Variants in ABCC11 observed in about 807,000 individuals in gnomAD.
ABCC11 encodes the protein ATP binding cassette subfamily C member 11, also known as ATP-binding cassette sub-family C member 11.
In ABCC11, 135 loss-of-function variants were observed where a neutral mutation model predicts 149.3. The ratio of observed to expected loss-of-function variants is 0.90; its 90% CI spans 0.79 to 1.04. The LOEUF (loss-of-function observed/expected upper bound fraction) is 1.04, where lower values mean the gene tolerates loss of function less well. Among genes scored for constraint, ABCC11 ranks in the 50% least tolerant of loss-of-function variants. The pLI is 0.00. For missense variants in ABCC11, 1,680 were observed against 1,722.1 expected (o/e 0.98, Z 0.43); for synonymous variants, 665 against 671.4 (o/e 0.99, Z 0.15).
intron 7 of ABCC11, among the ~76,000 whole-genome samples, 190 bp from the exon 8 acceptor site, chr16:48,215,534 G>A (rs1472457521): frequency 6.6e-6 from 1 of 152,158 alleles, no homozygotes; most frequent in African/African-American, 2.4e-5. Flanking sequence ...CCCAAGCCAG[G>A]CTATGGCTAC....
chr16:48,244,312 T>C, intron 1 of ABCC11: 1 of 1,119,540 alleles, frequency 8.9e-7, no homozygotes. Flanking sequence ...GTCTGAGGTT[T>C]GGTGACTGCG....
chr16:48,205,812 CTTT>C (rs5816589), intron 12 of ABCC11, among the ~76,000 whole-genome samples: 4 of 140,996 alleles, frequency 2.8e-5, no homozygotes, highest in Admixed American at 7.1e-5. Context: ...GTTTTTTCCT[CTTT>C]TTTTTTTTTT....
intron 4 of ABCC11, 114 bp downstream of exon 4, chr16:48,227,692 A>G: frequency 7.1e-7 from 1 of 1,402,102 alleles, no homozygotes; most frequent in Non-Finnish European, 1.0e-6. Context: ...TCCTACAGGA[A>G]GAGCCAAGTC....
intron 1 of ABCC11, among the ~76,000 whole-genome samples, chr16:48,241,063 T>C (rs1970942686): frequency 6.6e-6 from 1 of 152,096 alleles, no homozygotes; most frequent in African/African-American, 2.4e-5. Context: ...GCCTCCCAAG[T>C]AGCTGGGATT....
At chr16:48,218,139 AT>A (rs1285894251) in intron 6 of ABCC11, among the ~76,000 whole-genome samples, 1 of 152,118 alleles carries the variant, frequency 6.6e-6, no homozygotes, top group Non-Finnish European at 1.5e-5. Flanking sequence ...TCTAAAAAAA[AT>A]TAAAAATTAG....
At chr16:48,178,505 A>C (rs1350463608) in intron 24 of ABCC11, 92 bp downstream of exon 24, 1 of 1,232,364 alleles carries the variant, frequency 8.1e-7, no homozygotes, top group African/African-American at 1.5e-5. Context: ...GGATGGTCTC[A>C]GGGCTCTGAG....
In ABCC11 at chr16:48,167,013, C is replaced by T; in HGVS notation, c.*261G>A. ...GCTTTTACCTTATTATAAAATTATT[C>T]AGCATGTAAGTTAAAAGGAGAACCA... On this transcript the variant is annotated 3_prime_UTR_variant, in exon 30 of 30. Transcript: ENST00000356608. The T allele has an allele frequency of 2.2e-6, 1 of 461,232 alleles. No homozygotes were observed. Among genetic ancestry groups the T allele is most frequent in the East Asian group, 3.7e-5 (1 of 27,134 alleles). 28.6% of individuals were successfully genotyped at this position (461,232 alleles called of 1,614,324 possible).
chr16:48,187,237 C>G lies in ABCC11; in HGVS notation c.2897G>C (p.Gly966Ala). Reference protein sequence around the residue: ...SVLSPYILLMGAIIMVICFIY... With the variant: ...SVLSPYILLMAAIIMVICFIY... ...GAAGCAAATAACCATGATTATGGCTCCCATTAACAGGATATATGGAGACAG... is the reference window on the plus strand; with the variant it reads ...GAAGCAAATAACCATGATTATGGCTGCCATTAACAGGATATATGGAGACAG... Residue 966 changes from glycine (G) to alanine (A), a missense_variant, in exon 21 of 30, where the codon GGA becomes GCA. By Grantham distance (60) the Gly-to-Ala change is moderately conservative (BLOSUM62 0). Transcript: ENST00000356608. 1 of 1,614,112 alleles carries G rather than the reference C, an allele frequency of 6.2e-7. No homozygotes were observed. The highest frequency in any genetic ancestry group is 8.5e-7 in the Non-Finnish European group (1 of 1,180,022).
At chr16:48,202,137 G>A (rs1386997482) in intron 14 of ABCC11, among the ~76,000 whole-genome samples, 1 of 152,094 alleles carries the variant, frequency 6.6e-6, no homozygotes, top group Non-Finnish European at 1.5e-5. Flanking sequence ...CTTACTCTAG[G>A]CCGGGCACTA....
chr16:48,197,716 CT>C (rs529894576), intron 17 of ABCC11, among the ~76,000 whole-genome samples: 82 of 152,310 alleles, frequency 5.4e-4, no homozygotes, highest in African/African-American at 1.9e-3. Context: ...AAGGTACCCC[CT>C]ATCCTTCCTC....
At chr16:48,191,186 C>T (rs149341782) in intron 20 of ABCC11, among the ~76,000 whole-genome samples, 30 of 152,228 alleles carry the variant, frequency 2.0e-4, no homozygotes, top group African/African-American at 6.5e-4. Flanking sequence ...TAATAATGTA[C>T]CAATATTGAC....
chr16:48,208,586 A>G, intron 11 of ABCC11, 90 bp from the exon 12 acceptor site: 1 of 1,387,664 alleles, frequency 7.2e-7, no homozygotes, highest in Non-Finnish European at 1.0e-6. Context: ...TAGAACCCAA[A>G]ACAACACACA....
At chr16:48,197,849 T>C in intron 17 of ABCC11, 122 bp downstream of exon 17, 1 of 1,031,496 alleles carries the variant, frequency 9.7e-7, no homozygotes, top group Non-Finnish European at 1.4e-6. Flanking sequence ...TGTATGTAAA[T>C]GCTTAGGGTC....
At chr16:48,226,169 C>T (rs9932677) in intron 4 of ABCC11, among the ~76,000 whole-genome samples, 388 of 149,112 alleles carry the variant, frequency 2.6e-3, no homozygotes, top group African/African-American at 9.1e-3. Flanking sequence ...CTCCACCTTC[C>T]GGGTTCAAGC....
rs549208458 is a variant in ABCC11 at position 48,244,556 on chromosome 16, C to T, written c.-19+2758G>A. ...AGGGCACGTCGCTGCAAAGCACCAT[C>T]CTGGGCGTCATCCCCAACACGCCTG... On this transcript the variant is annotated intron_variant, in intron 1 of 29. Coordinates refer to ENST00000356608, the MANE Select transcript of ABCC11 (RefSeq NM_001370497.1). The T allele has an allele frequency of 2.6e-6, 4 of 1,539,596 alleles. No homozygotes were observed. The East Asian group carries it at 7.6e-5, about 29-fold the overall frequency.
At chr16:48,181,267 CAGAG>C (rs368570163) in intron 23 of ABCC11, among the ~76,000 whole-genome samples, 1 of 151,156 alleles carries the variant, frequency 6.6e-6, no homozygotes, top group South Asian at 2.1e-4. Flanking sequence ...GTATGTGTAT[CAGAG>C]AGAGAGAGAG....
intron 28 of ABCC11, among the ~76,000 whole-genome samples, chr16:48,169,570 G>A (rs936287156): frequency 1.3e-5 from 2 of 152,054 alleles, no homozygotes; most frequent in Non-Finnish European, 1.5e-5. Flanking sequence ...TATACACCAT[G>A]GAATACTATG....
chr16:48,230,742 T>C (rs1970372790), intron 2 of ABCC11, among the ~76,000 whole-genome samples, 169 bp from the exon 3 acceptor site: 2 of 151,700 alleles, frequency 1.3e-5, no homozygotes, highest in South Asian at 4.2e-4. Flanking sequence ...GGCAACTGGA[T>C]CCCAGCACTC....
chr16:48,198,862 C>A (rs1210475610), intron 15 of ABCC11, among the ~76,000 whole-genome samples: 1 of 151,990 alleles, frequency 6.6e-6, no homozygotes, highest in African/African-American at 2.4e-5. Context: ...CACGGTGAAA[C>A]CTCGTCTGTA....
Sources: gnomAD v4.1 joint callset for allele counts (sites outside exome capture counted in the v4.1 genomes callset) on GRCh38, gnomAD v4.1.1 for gene constraint, MANE v1.5 for transcripts, NCBI Gene and HGNC (gene_info 2026-07-23, HGNC 2026-07-21) for gene names.